The following TNFSF4 variants were observed in gnomAD, a reference collection of about 807,000 sequenced individuals.
TNFSF4 encodes TNF superfamily member 4.
In TNFSF4, 4 loss-of-function variants were observed where a neutral mutation model predicts 7.3. The observed-to-expected ratio is 0.55, with a 90% confidence interval of 0.27 to 1.25. The LOEUF (loss-of-function observed/expected upper bound fraction) is 1.25, where lower values mean the gene tolerates loss of function less well. Among genes scored for constraint, TNFSF4 ranks in the 50% most tolerant of loss-of-function variants. TNFSF4 has a pLI of 0.12. For missense variants in TNFSF4, 181 were observed against 208.8 expected, an observed-to-expected ratio of 0.87 and a Z score of 0.82; for synonymous variants, 76 against 83.7, an observed-to-expected ratio of 0.91 and a Z score of 0.50.
the TNFSF4 span, chr1:173,351,859 A>T: frequency 1.7e-6 from 1 of 597,950 alleles, no homozygotes; most frequent in South Asian, 1.8e-5. Flanking sequence ...ACAACTGTCC[A>T]TGTAGGCATT....
the TNFSF4 span, among the ~76,000 whole-genome samples, chr1:173,232,215 A>G: frequency 6.6e-6 from 1 of 151,886 alleles, no homozygotes; most frequent in African/African-American, 2.4e-5. Flanking sequence ...TAGGTATTTT[A>G]TTCTCTTTGA....
intron 1 of TNFSF4, among the ~76,000 whole-genome samples, chr1:173,192,616 G>A (rs1187622769): frequency 6.6e-6 from 1 of 152,124 alleles, no homozygotes; most frequent in Non-Finnish European, 1.5e-5. Flanking sequence ...AAAGCATCCT[G>A]TATGATTCTG....
chr1:173,327,004 T>C, the TNFSF4 span, among the ~76,000 whole-genome samples: 5 of 152,230 alleles, frequency 3.3e-5, no homozygotes, highest in African/African-American at 1.2e-4. Flanking sequence ...CTTCACAGAA[T>C]TGAAAAAACT....
At chr1:173,446,847 T>A in the TNFSF4 span, among the ~76,000 whole-genome samples, 8 of 152,332 alleles carry the variant, frequency 5.3e-5, no homozygotes, top group African/African-American at 1.9e-4. Context: ...TTGGCTTCCC[T>A]ACTTTTGAGG....
chr1:173,337,940 G>C, the TNFSF4 span, among the ~76,000 whole-genome samples: 3,832 of 152,276 alleles, frequency 0.025, 73 homozygotes, highest in Non-Finnish European at 0.036. Context: ...AGTTGGATAG[G>C]ATCACTTGTT....
At chr1:173,229,456 C>A in the TNFSF4 span, among the ~76,000 whole-genome samples, 6 of 152,310 alleles carry the variant, frequency 3.9e-5, no homozygotes, top group African/African-American at 1.2e-4. Context: ...AAGGAACAAC[C>A]AGTACCAGAC....
intron 1 of TNFSF4, among the ~76,000 whole-genome samples, chr1:173,199,666 G>A (rs974737589): frequency 2.6e-5 from 4 of 152,174 alleles, no homozygotes; most frequent in African/African-American, 7.2e-5. Flanking sequence ...CTAAATTTCT[G>A]TAGTTATAAT....
At position 173,185,852 on chromosome 1, in the gene TNFSF4, T is replaced by A. The variant is rs1395034696; in HGVS notation, c.*664A>T. ...TTTGAAGGGAAATTTCTATTAACTA[T>A]GTTTGGAGGCTGGGAAAGCAAAATG... is the stretch of plus-strand genomic sequence containing the variant. On this transcript the variant is annotated 3_prime_UTR_variant, in exon 3 of 3. Coordinates refer to ENST00000281834, the MANE Select transcript of TNFSF4 (RefSeq NM_003326.5). The A allele has an allele frequency of 6.6e-6, 1 of 151,946 alleles. No homozygotes were observed. The highest frequency in any genetic ancestry group is 1.5e-5 in the Non-Finnish European group (1 of 67,954). 9.4% of individuals were successfully genotyped at this position (151,946 alleles called of 1,614,324 possible). A position where few individuals can be genotyped will look rare whatever the true frequency, so the allele number is the denominator to read the frequency against.
chr1:173,326,692 C>T, the TNFSF4 span, among the ~76,000 whole-genome samples: 1 of 152,056 alleles, frequency 6.6e-6, no homozygotes, highest in East Asian at 1.9e-4. Context: ...AATCAATGTG[C>T]AAAAATCACA....
At chr1:173,210,831 A>G (rs1010457653), upstream of TNFSF4, among the ~76,000 whole-genome samples, 37 of 152,134 alleles carry the variant, frequency 2.4e-4, no homozygotes, top group African/African-American at 8.7e-4. Flanking sequence ...GAGATCTAAA[A>G]TTCCACCTCT....
At chr1:173,279,526 T>G in the TNFSF4 span, among the ~76,000 whole-genome samples, 1 of 152,130 alleles carries the variant, frequency 6.6e-6, no homozygotes, top group Non-Finnish European at 1.5e-5. Flanking sequence ...AAGCTCCACT[T>G]GAGTAGCCAA....
chr1:173,258,959 C>G, the TNFSF4 span, among the ~76,000 whole-genome samples: 41 of 152,212 alleles, frequency 2.7e-4, no homozygotes, highest in Non-Finnish European at 4.9e-4. Flanking sequence ...CCAGGAAATT[C>G]TCAGCACAGC....
chr1:173,185,466 T>C lies in TNFSF4; in HGVS notation c.*1050A>G, dbSNP rs775234163. 9 of 152,208 alleles carry C rather than the reference T, an allele frequency of 5.9e-5. No homozygotes were observed. The highest frequency in any genetic ancestry group is 1.3e-4 in the Non-Finnish European group (9 of 68,034). 9.4% of individuals were successfully genotyped at this position (152,208 alleles called of 1,614,324 possible). A position where few individuals can be genotyped will look rare whatever the true frequency, so the allele number is the denominator to read the frequency against. ...ATTTCTAGACAGAGATCATTATTTTTCATAAGGCACAATAACTTCTTAGTG... is the reference window on the plus strand; with the variant it reads ...ATTTCTAGACAGAGATCATTATTTTCCATAAGGCACAATAACTTCTTAGTG... On this transcript the variant is annotated 3_prime_UTR_variant, in exon 3 of 3. Transcript: ENST00000281834.
the TNFSF4 span, among the ~76,000 whole-genome samples, chr1:173,353,869 A>G: frequency 6.6e-6 from 1 of 152,232 alleles, no homozygotes; most frequent in African/African-American, 2.4e-5. Flanking sequence ...AGTGATCATC[A>G]TCTTCATAGC....
At chr1:173,354,303 T>A in the TNFSF4 span, among the ~76,000 whole-genome samples, 1 of 152,114 alleles carries the variant, frequency 6.6e-6, no homozygotes, top group African/African-American at 2.4e-5. Context: ...AGACATTGAA[T>A]CTCTGAACAG....
chr1:173,437,161 T>A, the TNFSF4 span, among the ~76,000 whole-genome samples: 4 of 152,218 alleles, frequency 2.6e-5, no homozygotes, highest in Non-Finnish European at 5.9e-5. Flanking sequence ...GGAAGCCCTG[T>A]GCATGGACCC....
Position 173,193,809 on chromosome 1 carries a change from C to A in TNFSF4, c.154-5240G>T, listed in dbSNP as rs570222978. Among the ~76,000 whole-genome samples, 8 of 149,516 alleles carry A rather than the reference C, an allele frequency of 5.4e-5. No homozygotes were observed. In the South Asian group the frequency reaches 1.7e-3, roughly 32 times the overall value. On this transcript the variant is annotated intron_variant, in intron 1 of 2. Transcript: ENST00000281834. The stretch of plus-strand genomic sequence containing the variant: ...AAGGAACAATCAAGTACCCACTTGG[C>A]AAATATGGGCTCTTTGACCAAATGA...
At chr1:173,394,441 T>G in the TNFSF4 span, among the ~76,000 whole-genome samples, 1 of 152,190 alleles carries the variant, frequency 6.6e-6, no homozygotes, top group Non-Finnish European at 1.5e-5. Flanking sequence ...CAATTTCATG[T>G]GTCAACTTGA....
the TNFSF4 span, among the ~76,000 whole-genome samples, chr1:173,220,265 C>T: frequency 3.3e-5 from 5 of 152,054 alleles, no homozygotes; most frequent in Admixed American, 1.3e-4. Context: ...GAATATTTCT[C>T]TTAGCAAAAA....
Sources: gnomAD v4.1 joint callset for allele counts (sites outside exome capture counted in the v4.1 genomes callset) on GRCh38, gnomAD v4.1.1 for gene constraint, MANE v1.5 for transcripts, NCBI Gene and HGNC (gene_info 2026-07-23, HGNC 2026-07-21) for gene names.